MAP4K1: variants seen among roughly 807,000 people sequenced by gnomAD.
MAP4K1 encodes the protein mitogen-activated protein kinase kinase kinase kinase 1, also known as MAPK/ERK kinase kinase kinase 1.
A neutral mutation model predicts 122.8 loss-of-function variants in MAP4K1; 35 were observed. The observed-to-expected ratio is 0.29, with a 90% CI of 0.22 to 0.38. MAP4K1 has a LOEUF of 0.38. MAP4K1 is among the 10% of genes least tolerant of loss of function. MAP4K1 has a pLI of 1.00. For missense variants in MAP4K1, 791 were observed against 1,072.6 expected (o/e 0.74, Z 3.67); for synonymous variants, 412 against 421.3 (o/e 0.98, Z 0.27).
Position 38,614,304 on chromosome 19 carries a change from G to T in MAP4K1, c.370-12C>A, listed in dbSNP as rs1447861029. The T allele has an allele frequency of 6.2e-7, 1 of 1,614,184 alleles. No homozygotes were observed. The highest frequency in any genetic ancestry group is 8.5e-7 in the Non-Finnish European group (1 of 1,180,002). ...AAATAGGCCAGTCCCTGGGGAGAAG[G>T]GTGGACAAGGGGACAGTGAGTGTTT... is the stretch of plus-strand genomic sequence containing the variant. On this transcript the variant is annotated splice_polypyrimidine_tract_variant and intron_variant, in intron 5 of 30. Transcript: ENST00000396857.
chr19:38,590,436 T>TATATATATATATATAA (rs1246449708), intron 30 of MAP4K1, among the ~76,000 whole-genome samples: 8 of 110,670 alleles, frequency 7.2e-5, no homozygotes, highest in African/African-American at 2.6e-4. Flanking sequence ...TATATATATA[T>TATATATATATATATAA]AATCACGGGC....
intron 26 of MAP4K1, 52 bp downstream of exon 26, chr19:38,596,260 G>T: frequency 6.7e-7 from 1 of 1,489,218 alleles, no homozygotes. Context: ...CTCCAGCTCC[G>T]CCCCTCCGGA....
chr19:38,603,104 A>G (rs1975181181), intron 19 of MAP4K1, among the ~76,000 whole-genome samples: 1 of 142,232 alleles, frequency 7.0e-6, no homozygotes. Context: ...ATACACATGT[A>G]CATATATACA....
chr19:38,612,561 G>T, intron 9 of MAP4K1, 50 bp downstream of exon 9: 1 of 1,561,758 alleles, frequency 6.4e-7, no homozygotes, highest in Non-Finnish European at 8.7e-7. Flanking sequence ...GTGGGCTTTG[G>T]GCCAGGGCTA....
intron 30 of MAP4K1, among the ~76,000 whole-genome samples, chr19:38,589,569 C>A (rs2047823053): frequency 6.6e-6 from 1 of 151,840 alleles, no homozygotes; most frequent in Admixed American, 6.6e-5. Context: ...GCATGCAACA[C>A]CATGCCCGGC....
At chr19:38,588,622 A>G (rs1383523637) in intron 30 of MAP4K1, among the ~76,000 whole-genome samples, 1 of 131,956 alleles carries the variant, frequency 7.6e-6, no homozygotes, top group Non-Finnish European at 1.6e-5. Flanking sequence ...GTGTGGTGGC[A>G]GGCACTATAG....
intron 19 of MAP4K1, among the ~76,000 whole-genome samples, chr19:38,602,757 T>C (rs1332539319): frequency 3.4e-5 from 5 of 148,392 alleles, no homozygotes; most frequent in African/African-American, 1.2e-4. Context: ...CATGTACATA[T>C]ATACGCATAT....
chr19:38,595,749 T>A lies in MAP4K1; in HGVS notation c.2180-20A>T. 6.3e-7 allele frequency: 1 copy of A among 1,576,816 alleles called. No homozygotes were observed. The highest frequency in any genetic ancestry group is 8.6e-7 in the Non-Finnish European group (1 of 1,157,560). On this transcript the variant is annotated intron_variant, in intron 27 of 30. Transcript: ENST00000396857. The stretch of plus-strand genomic sequence containing the variant: ...CAGAGCCTGGAAGGAGATAGACGGT[T>A]TTAAGAACTGTGAGCAAGGCTTAGA...
intron 19 of MAP4K1, among the ~76,000 whole-genome samples, chr19:38,602,515 T>C (rs1975103206): frequency 6.7e-6 from 1 of 150,342 alleles, no homozygotes; most frequent in South Asian, 2.1e-4. Context: ...CACGTGTACA[T>C]ATATACGCAT....
intron 30 of MAP4K1, among the ~76,000 whole-genome samples, chr19:38,591,356 C>A (rs541984675): frequency 1.1e-4 from 17 of 151,000 alleles, no homozygotes; most frequent in South Asian, 6.3e-4. Context: ...TGATGAAAGC[C>A]CACATCTACT....
chr19:38,603,008 A>G (rs1475800721), intron 19 of MAP4K1, among the ~76,000 whole-genome samples: 1 of 146,972 alleles, frequency 6.8e-6, no homozygotes, highest in Admixed American at 6.8e-5. Context: ...ATACATATAT[A>G]CACACATATA....
In MAP4K1 at chr19:38,617,896, C is replaced by T. The variant is rs958893278; in HGVS notation, c.-1G>A. 9 of 1,613,724 alleles carry T rather than the reference C, an allele frequency of 5.6e-6. No individual in the cohort carries two copies. The highest frequency in any genetic ancestry group is 6.8e-6 in the Non-Finnish European group (8 of 1,179,730). ...AAATGTCAGGGTCCACGACGTCCATCCCTGGGGGCCTGAGCTGGGCCTGCG... is the reference window on the plus strand; with the variant it reads ...AAATGTCAGGGTCCACGACGTCCATTCCTGGGGGCCTGAGCTGGGCCTGCG... On this transcript the variant is annotated 5_prime_UTR_variant, in exon 1 of 31. Coordinates refer to ENST00000396857, the MANE Select transcript of MAP4K1 (RefSeq NM_001042600.3). This position sits in a 1 kb window ranked among gnomAD's most constrained non-coding sequence, Gnocchi z 4.1.
chr19:38,614,921 CAAAAAAAAAAAAA>C (rs562410574), intron 4 of MAP4K1: 5,966 of 21,606 alleles, frequency 0.28, 232 homozygotes, highest in African/African-American at 0.36. Context: ...GGCTCTGTCT[CAAAAAAAAAAAAA>C]AAAAAAAAAA....
rs1157405023 is a variant in MAP4K1, at chr19:38,605,749, A to G, written c.1201-19T>C. 2 of 1,597,866 alleles carry G rather than the reference A, an allele frequency of 1.3e-6. No individual in the cohort carries two copies. Among genetic ancestry groups the G allele is most frequent in the African/African-American group, 2.7e-5 (2 of 73,784 alleles). ...ACTTGGGCTTTGGAGACGGGAATGG[A>G]GCGTGGGGAAATACATCAGATGATC... On this transcript the variant is annotated intron_variant, in intron 17 of 30. Coordinates refer to ENST00000396857, the MANE Select transcript of MAP4K1 (RefSeq NM_001042600.3).
rs1005893099 is a variant in MAP4K1, at chr19:38,612,463, A to T, written c.665+148T>A. 7 of 446,604 alleles carry T rather than the reference A, an allele frequency of 1.6e-5. No individual in the cohort carries two copies. The South Asian group carries it at 5.9e-4, about 38-fold the overall frequency. 27.7% of individuals were successfully genotyped at this position (446,604 alleles called of 1,614,324 possible). ...TAAAATAAAATATTAAATTAAATTT[A>T]AAAAATAGAGCTGCAGCACGTGCAA... On this transcript the variant is annotated intron_variant, in intron 9 of 30. Transcript: ENST00000396857.
chr19:38,612,278 G>A (rs1975520559), intron 9 of MAP4K1, among the ~76,000 whole-genome samples: 1 of 151,456 alleles, frequency 6.6e-6, no homozygotes, highest in East Asian at 1.9e-4. Context: ...AAATTAGCCG[G>A]GCGTGGTGGT....
Position 38,590,390 on chromosome 19 carries a change from AAAAAATATATATATATATATATAT to A in MAP4K1, c.2397-2597_2397-2574del, listed in dbSNP as rs1193383722. ...TTGGACCAGAAAAAAAAAAAAAAAA[AAAAAATATATATATATATATATAT>A]ATATATATATATATATATATATAAT... On this transcript the variant is annotated intron_variant, in intron 30 of 30. Transcript: ENST00000396857. 4.1e-3 allele frequency among the ~76,000 whole-genome samples: 108 copies of A among 26,372 alleles called. 2 individuals are homozygous for A. Among genetic ancestry groups the A allele is most frequent in the South Asian group, 5.3e-3 (3 of 562 alleles). The allele number at this position is 26,372 out of a possible 152,430, so 17.3% of individuals were successfully genotyped here.
rs1974783770 is a variant in MAP4K1 at position 38,593,354 on chromosome 19, T to C, written c.2341-17A>G. ...CTGTAGCAGCTAGGGAAAAAAAGTGTGTGTCTCAGTGCCTGGAAGATACCT... is the reference window on the plus strand; with the variant it reads ...CTGTAGCAGCTAGGGAAAAAAAGTGCGTGTCTCAGTGCCTGGAAGATACCT... On this transcript the variant is annotated splice_polypyrimidine_tract_variant and intron_variant, in intron 29 of 30. Transcript: ENST00000396857. The C allele has an allele frequency of 1.1e-5, 18 of 1,599,796 alleles. No individual in the cohort carries two copies. The highest frequency in any genetic ancestry group is 9.1e-5 in the East Asian group (4 of 44,182).
intron 8 of MAP4K1, among the ~76,000 whole-genome samples, 189 bp from the exon 9 acceptor site, chr19:38,612,931 C>T (rs1975541820): frequency 6.6e-6 from 1 of 152,136 alleles, no homozygotes; most frequent in African/African-American, 2.4e-5. Flanking sequence ...ATGGCTCACG[C>T]CTGTAATCCC....
Sources: gnomAD v4.1 joint callset for allele counts (sites outside exome capture counted in the v4.1 genomes callset) on GRCh38, gnomAD v4.1.1 for gene constraint, Gnocchi (gnomAD v3.1) non-coding constraint, MANE v1.5 for transcripts, NCBI Gene and HGNC (gene_info 2026-07-23, HGNC 2026-07-21) for gene names.